Variants in DRC11 observed in about 807,000 individuals in gnomAD.
DRC11 encodes the protein IQ and AAA domain-containing protein 1.
the DRC11 span, among the ~76,000 whole-genome samples, chr2:236,460,900 G>A: frequency 4.6e-5 from 7 of 152,108 alleles, no homozygotes; most frequent in East Asian, 7.7e-4. This position sits in a 1 kb window ranked among gnomAD's most constrained non-coding sequence, Gnocchi z 4.0. Context: ...GATTACAGGC[G>A]TCCGCCACCA....
the DRC11 span, among the ~76,000 whole-genome samples, chr2:236,428,046 AT>A: frequency 6.6e-6 from 1 of 151,976 alleles, no homozygotes. Context: ...AATTTCAAAG[AT>A]TTTTCCTTTT....
chr2:236,499,885 T>C, the DRC11 span, among the ~76,000 whole-genome samples: 1 of 152,234 alleles, frequency 6.6e-6, no homozygotes, highest in Non-Finnish European at 1.5e-5. This position sits in a 1 kb window ranked among gnomAD's most constrained non-coding sequence, Gnocchi z 4.7. Flanking sequence ...CTCTCTCTTC[T>C]ACATTCCCAA....
the DRC11 span, among the ~76,000 whole-genome samples, chr2:236,355,267 T>A: frequency 6.6e-6 from 1 of 152,234 alleles, no homozygotes; most frequent in African/African-American, 2.4e-5. Flanking sequence ...TAGCACATGG[T>A]CAGTGTGGCC....
chr2:236,486,748 A>G, the DRC11 span: 2 of 953,588 alleles, frequency 2.1e-6, no homozygotes, highest in Non-Finnish European at 1.6e-6. The surrounding 1 kb of genome is among the most constrained non-coding windows in gnomAD (Gnocchi z 5.7). Flanking sequence ...TCTTCCCTCA[A>G]AAACTCTCAG....
At chr2:236,432,767 G>C in the DRC11 span, among the ~76,000 whole-genome samples, 2 of 152,008 alleles carry the variant, frequency 1.3e-5, no homozygotes, top group Non-Finnish European at 2.9e-5. Context: ...TTTTGTGTGT[G>C]TGGTTGAATT....
chr2:236,331,969 A>G, the DRC11 span: 1 of 171,906 alleles, frequency 5.8e-6, no homozygotes, highest in Non-Finnish European at 1.2e-5. This position sits in a 1 kb window ranked among gnomAD's most constrained non-coding sequence, Gnocchi z 4.8. Context: ...AGAATATTGT[A>G]TTTCCCAAGT....
chr2:236,435,748 G>T, the DRC11 span, among the ~76,000 whole-genome samples: 2 of 152,218 alleles, frequency 1.3e-5, no homozygotes, highest in Non-Finnish European at 2.9e-5. Context: ...ATGAGATTTG[G>T]GTGGGGATAC....
the DRC11 span, among the ~76,000 whole-genome samples, chr2:236,388,394 C>T: frequency 3.4e-5 from 5 of 148,240 alleles, no homozygotes; most frequent in South Asian, 4.4e-4. Flanking sequence ...CTTCCCTTCT[C>T]GCTTCATTTC....
At chr2:236,399,403 C>G in the DRC11 span, 1 of 1,612,084 alleles carries the variant, frequency 6.2e-7, no homozygotes, top group South Asian at 1.1e-5. This position sits in a 1 kb window ranked among gnomAD's most constrained non-coding sequence, Gnocchi z 7.0. Context: ...GCACGTTCTC[C>G]TAAACTGACC....
At chr2:236,362,179 G>C in the DRC11 span, among the ~76,000 whole-genome samples, 1 of 152,106 alleles carries the variant, frequency 6.6e-6, no homozygotes, top group Admixed American at 6.5e-5. This position sits in a 1 kb window ranked among gnomAD's most constrained non-coding sequence, Gnocchi z 5.7. Context: ...AAAATTCTCA[G>C]AAATTTTGAA....
At chr2:236,479,977 T>C in the DRC11 span, among the ~76,000 whole-genome samples, 1 of 152,098 alleles carries the variant, frequency 6.6e-6, no homozygotes, top group Non-Finnish European at 1.5e-5. This position sits in a 1 kb window ranked among gnomAD's most constrained non-coding sequence, Gnocchi z 4.1. Flanking sequence ...CTCTTCTTCA[T>C]GTTTGAAGTT....
At chr2:236,409,524 T>C in the DRC11 span, among the ~76,000 whole-genome samples, 1 of 152,126 alleles carries the variant, frequency 6.6e-6, no homozygotes, top group African/African-American at 2.4e-5. Context: ...ACAATGGGGT[T>C]TTCTAGATAT....
the DRC11 span, among the ~76,000 whole-genome samples, chr2:236,439,360 T>C: frequency 1.3e-5 from 2 of 152,220 alleles, no homozygotes; most frequent in African/African-American, 4.8e-5. Context: ...TTTGGGATAT[T>C]TCCATGCATT....
chr2:236,419,338 G>C, the DRC11 span: 5 of 1,487,378 alleles, frequency 3.4e-6, no homozygotes, highest in Non-Finnish European at 4.5e-6. This position sits in a 1 kb window ranked among gnomAD's most constrained non-coding sequence, Gnocchi z 4.8. Context: ...TGTTTTCCCT[G>C]TCTGAAAGGA....
At chr2:236,438,182 C>T in the DRC11 span, among the ~76,000 whole-genome samples, 5 of 141,410 alleles carry the variant, frequency 3.5e-5, no homozygotes, top group Non-Finnish European at 6.2e-5. Flanking sequence ...TTTCCCAGCA[C>T]CATTTATTAA....
At chr2:236,473,714 A>G in the DRC11 span, among the ~76,000 whole-genome samples, 1 of 151,280 alleles carries the variant, frequency 6.6e-6, no homozygotes, top group Non-Finnish European at 1.5e-5. This position sits in a 1 kb window ranked among gnomAD's most constrained non-coding sequence, Gnocchi z 4.8. Context: ...CTGCACATAA[A>G]TTTTTAGAGT....
chr2:236,470,729 T>C, the DRC11 span, among the ~76,000 whole-genome samples: 3 of 152,206 alleles, frequency 2.0e-5, no homozygotes, highest in African/African-American at 7.2e-5. This position sits in a 1 kb window ranked among gnomAD's most constrained non-coding sequence, Gnocchi z 5.1. Context: ...TGAAAAAAGA[T>C]AGTACAGATA....
chr2:236,497,923 A>C, the DRC11 span, among the ~76,000 whole-genome samples: 1 of 152,238 alleles, frequency 6.6e-6, no homozygotes, highest in African/African-American at 2.4e-5. This position sits in a 1 kb window ranked among gnomAD's most constrained non-coding sequence, Gnocchi z 5.1. Context: ...CCTGTGAATG[A>C]ATAATTATAC....
the DRC11 span, among the ~76,000 whole-genome samples, chr2:236,488,503 A>G: frequency 6.6e-6 from 1 of 152,220 alleles, no homozygotes; most frequent in Non-Finnish European, 1.5e-5. Context: ...AATAAAATTG[A>G]TTCAGTAAAA....
Sources: gnomAD v4.1 joint callset for allele counts (sites outside exome capture counted in the v4.1 genomes callset) on GRCh38, gnomAD v4.1.1 for gene constraint, Gnocchi (gnomAD v3.1) non-coding constraint, MANE v1.5 for transcripts, NCBI Gene and HGNC (gene_info 2026-07-23, HGNC 2026-07-21) for gene names.